UGT1A8: variants seen among roughly 807,000 people sequenced by gnomAD.
UGT1A8 encodes UDP glucuronosyltransferase family 1 member A8, also known as UDP-glucuronosyltransferase 1A8.
A neutral mutation model predicts 45.3 loss-of-function variants in UGT1A8; 39 were observed. That is an observed-to-expected ratio of 0.86 (90% CI 0.67 to 1.12). The LOEUF (loss-of-function observed/expected upper bound fraction) is 1.12. UGT1A8 is among the 50% of genes most tolerant of loss of function. The probability of loss-of-function intolerance (pLI) is 0.00; values close to 1 mark genes in which losing one functional copy is unlikely to be tolerated. For synonymous variants in UGT1A8, 275 were observed against 249.2 expected, an observed-to-expected ratio of 1.10 and a Z score of -0.97; for missense variants, 719 against 664.9, an observed-to-expected ratio of 1.08 and a Z score of -0.90.
At chr2:233,739,434 A>C (rs369218024) in intron 1 of UGT1A8, among the ~76,000 whole-genome samples, 2 of 152,136 alleles carry the variant, frequency 1.3e-5, no homozygotes, top group African/African-American at 2.4e-5. Flanking sequence ...CGAGGGCTTT[A>C]CCCTGCAAAG....
chr2:233,631,826 TGTTTA>T (rs2073191905), intron 1 of UGT1A8, among the ~76,000 whole-genome samples: 1 of 152,230 alleles, frequency 6.6e-6, no homozygotes, highest in South Asian at 2.1e-4. Flanking sequence ...GTGCAGAAGC[TGTTTA>T]GTTTAATTAG....
At position 233,712,021 on chromosome 2, in the gene UGT1A8, C is replaced by G. The variant is rs28898597; in HGVS notation, c.856-55013C>G. ...TCTGGAGGAACCATTCTTATCAGAA[C>G]TTGGTGCTGGATTGACTTGGAAAAA... On this transcript the variant is annotated intron_variant, in intron 1 of 4. Coordinates refer to ENST00000373450, the MANE Select transcript of UGT1A8 (RefSeq NM_019076.5). Among the ~76,000 whole-genome samples, 636 of 152,326 alleles carry G rather than the reference C, an allele frequency of 4.2e-3. 8 individuals carry two copies. Among genetic ancestry groups the G allele is most frequent in the African/African-American group, 0.015 (604 of 41,568 alleles).
chr2:233,737,936 A>G (rs912128099), intron 1 of UGT1A8, among the ~76,000 whole-genome samples: 7 of 152,174 alleles, frequency 4.6e-5, no homozygotes, highest in Non-Finnish European at 8.8e-5. Flanking sequence ...TAGTGAGTCC[A>G]TTGACTGTTT....
chr2:233,631,599 C>CT (rs1575387206), intron 1 of UGT1A8, among the ~76,000 whole-genome samples: 1 of 152,072 alleles, frequency 6.6e-6, no homozygotes, highest in Non-Finnish European at 1.5e-5. Context: ...TGATGATCGG[C>CT]TTTTTTTGAT....
At chr2:233,708,841 G>A (rs955602115) in intron 1 of UGT1A8, 2 of 151,974 alleles carry the variant, frequency 1.3e-5, no homozygotes, top group African/African-American at 4.8e-5. Flanking sequence ...TTGTTGCAGG[G>A]CTTTTCTTTT....
At chr2:233,729,179 T>C (rs200023814) in intron 1 of UGT1A8, 112 of 1,613,806 alleles carry the variant, frequency 6.9e-5, no homozygotes, top group Non-Finnish European at 9.3e-6. Context: ...GGACTGCTGC[T>C]TCTCCTCAGT....
At chr2:233,674,416 G>A (rs2602379) in intron 1 of UGT1A8, among the ~76,000 whole-genome samples, 93,543 of 151,846 alleles carry the variant, frequency 0.62, 29,077 homozygotes, top group South Asian at 0.65. Context: ...TCCATTAATT[G>A]TAGTAACAGG....
At chr2:233,637,447 A>G in intron 1 of UGT1A8, 1 of 1,519,754 alleles carries the variant, frequency 6.6e-7, no homozygotes, top group Non-Finnish European at 8.8e-7. Flanking sequence ...TTCCTTACTG[A>G]ACTGTGATTT....
At position 233,618,540 on chromosome 2, in the gene UGT1A8, A is replaced by G. The variant is rs375239720; in HGVS notation, c.833A>G (p.His278Arg). 25 of 1,613,708 alleles carry G rather than the reference A, an allele frequency of 1.5e-5. No individual in the cohort carries two copies. Among genetic ancestry groups the G allele is most frequent in the Non-Finnish European group, 2.0e-5 (24 of 1,179,782 alleles). ...NMIFIGGINC[H>R]QGKPLPMEFE... ...ATCTTCATTGGTGGTATCAACTGCCATCAGGGAAAGCCATTGCCTATGGTA... is the reference window on the plus strand; with the variant it reads ...ATCTTCATTGGTGGTATCAACTGCCGTCAGGGAAAGCCATTGCCTATGGTA... Residue 278 changes from histidine to arginine, a missense_variant, in exon 1 of 5, where the codon CAT (histidine) becomes CGT (arginine). Transcript: ENST00000373450.
chr2:233,750,586 G>A (rs1377079508), intron 1 of UGT1A8: 2 of 151,926 alleles, frequency 1.3e-5, no homozygotes, highest in East Asian at 3.9e-4. Flanking sequence ...CAGGCCTGGA[G>A]GCCTAGGAAG....
At chr2:233,699,519 C>T (rs868288964) in intron 1 of UGT1A8, among the ~76,000 whole-genome samples, 4 of 152,156 alleles carry the variant, frequency 2.6e-5, no homozygotes, top group East Asian at 1.9e-4. Flanking sequence ...TCAAGCCTTC[C>T]GAAGGACAGG....
chr2:233,761,518 T>G (rs780967719), intron 1 of UGT1A8, among the ~76,000 whole-genome samples: 1 of 152,242 alleles, frequency 6.6e-6, no homozygotes, highest in Non-Finnish European at 1.5e-5. Flanking sequence ...GCAGGCAATG[T>G]TCAGGACTGA....
At chr2:233,754,918 G>A (rs1172980350) in intron 1 of UGT1A8, 1 of 1,353,118 alleles carries the variant, frequency 7.4e-7, no homozygotes. Flanking sequence ...TTCTCCAGCG[G>A]GTTTCCCAAG....
At chr2:233,621,118 A>T (rs2072995536) in intron 1 of UGT1A8, among the ~76,000 whole-genome samples, 1 of 152,190 alleles carries the variant, frequency 6.6e-6, no homozygotes. Context: ...CAAAGATGGC[A>T]GATGGCCCCA....
At position 233,754,818 on chromosome 2, in the gene UGT1A8, T is replaced by C. The variant is rs536023413; in HGVS notation, c.856-12216T>C. The stretch of plus-strand genomic sequence containing the variant: ...TGTATCAAAAGAAGAAAAACCACCC[T>C]CAAAAGCTGGAAATTCACTGAAGGC... On this transcript the variant is annotated intron_variant, in intron 1 of 4. Transcript: ENST00000373450. 419 of 1,332,122 alleles carry C rather than the reference T, an allele frequency of 3.1e-4. 1 individual carries two copies. The highest frequency in any genetic ancestry group is 3.7e-4 in the Non-Finnish European group (370 of 994,872). The allele number at this position is 1,332,122 out of a possible 1,614,324, so 82.5% of individuals were successfully genotyped here.
At position 233,693,511 on chromosome 2, in the gene UGT1A8, C is replaced by T. The variant is rs144317442; in HGVS notation, c.856-73523C>T. On this transcript the variant is annotated intron_variant, in intron 1 of 4. Transcript: ENST00000373450. ...AGTATTTGGGCCTACCATCTGTGTA[C>T]CTCTTCAGGGGTTTTCCGTGTTCCC... is the stretch of plus-strand genomic sequence containing the variant. The T allele has an allele frequency of 1.7e-3, 2,823 of 1,614,136 alleles. 9 individuals are homozygous for T. The highest frequency in any genetic ancestry group is 5.6e-3 in the Admixed American group (334 of 60,012).
chr2:233,762,139 G>C (rs983754711), intron 1 of UGT1A8, among the ~76,000 whole-genome samples: 1 of 152,114 alleles, frequency 6.6e-6, no homozygotes, highest in African/African-American at 2.4e-5. Context: ...GGACCTGTGT[G>C]ACTTTGCATT....
intron 1 of UGT1A8, among the ~76,000 whole-genome samples, chr2:233,664,717 C>T (rs1266184888): frequency 6.6e-6 from 1 of 152,228 alleles, no homozygotes; most frequent in African/African-American, 2.4e-5. Flanking sequence ...ATGATCCAAA[C>T]ACCTCCCACC....
At chr2:233,750,188 A>G (rs1694384114) in intron 1 of UGT1A8, among the ~76,000 whole-genome samples, 1 of 151,886 alleles carries the variant, frequency 6.6e-6, no homozygotes, top group Non-Finnish European at 1.5e-5. Context: ...AATGTTGTGG[A>G]CAATGAAGTC....
Sources: allele counts gnomAD v4.1 joint callset (sites outside exome capture counted in the v4.1 genomes callset), GRCh38; gene constraint gnomAD v4.1.1; transcripts MANE v1.5; gene names NCBI Gene and HGNC (gene_info 2026-07-23, HGNC 2026-07-21).